SPMAP2: variants seen among roughly 807,000 people sequenced by gnomAD.
SPMAP2 encodes the protein Theg homolog.
the SPMAP2 span, among the ~76,000 whole-genome samples, chr19:365,657 T>A: frequency 6.0e-5 from 7 of 116,278 alleles, no homozygotes; most frequent in Admixed American, 2.8e-4. Context: ...CACTCGCTCT[T>A]ACCCCCACCA....
At chr19:362,218 T>C in the SPMAP2 span, 1 of 1,553,390 alleles carries the variant, frequency 6.4e-7, no homozygotes, top group African/African-American at 1.4e-5. Flanking sequence ...CAGGCCTGGG[T>C]TGATCACACT....
At chr19:367,094 G>C in the SPMAP2 span, 50 of 1,612,948 alleles carry the variant, frequency 3.1e-5, no homozygotes, top group Non-Finnish European at 5.9e-6. Context: ...GTTATGGTCT[G>C]ACACATGTGG....
the SPMAP2 span, among the ~76,000 whole-genome samples, chr19:364,248 A>T: frequency 6.6e-6 from 1 of 150,408 alleles, no homozygotes; most frequent in East Asian, 2.0e-4. Context: ...GAGGCAGGAG[A>T]ACGGCGTGAA....
chr19:364,336 C>CAA, the SPMAP2 span, among the ~76,000 whole-genome samples: 72 of 74,048 alleles, frequency 9.7e-4, no homozygotes, highest in African/African-American at 1.4e-3. Context: ...AGCTCTGTCT[C>CAA]AAAAAAAAAA....
At chr19:368,272 C>T in the SPMAP2 span, among the ~76,000 whole-genome samples, 16 of 152,298 alleles carry the variant, frequency 1.1e-4, no homozygotes, top group Middle Eastern at 3.4e-3. This position sits in a 1 kb window ranked among gnomAD's most constrained non-coding sequence, Gnocchi z 4.1. Context: ...GAGTACTGCG[C>T]GGCGCTCAGA....
At chr19:372,740 C>T in the SPMAP2 span, 1 of 1,597,614 alleles carries the variant, frequency 6.3e-7, no homozygotes, top group Non-Finnish European at 8.6e-7. Flanking sequence ...ACCCCAGTGT[C>T]AACACCCTGC....
the SPMAP2 span, chr19:362,256 A>C: frequency 6.3e-7 from 1 of 1,581,220 alleles, no homozygotes; most frequent in Non-Finnish European, 8.6e-7. Context: ...GGGGGTGGCA[A>C]GCTCATAGAG....
At chr19:365,190 C>T in the SPMAP2 span, among the ~76,000 whole-genome samples, 2 of 152,238 alleles carry the variant, frequency 1.3e-5, no homozygotes, top group Non-Finnish European at 2.9e-5. Context: ...CATCCATATA[C>T]TGGTACAGGT....
the SPMAP2 span, chr19:374,579 G>A: frequency 9.4e-7 from 1 of 1,065,146 alleles, no homozygotes; most frequent in Non-Finnish European, 1.3e-6. Flanking sequence ...GGAGGACTTT[G>A]GCACCACGAA....
chr19:375,679 C>G, the SPMAP2 span: 12 of 1,585,742 alleles, frequency 7.6e-6, no homozygotes, highest in African/African-American at 1.3e-5. Context: ...TCAGGAATGT[C>G]CTCTTCCAAG....
chr19:371,394 G>A, the SPMAP2 span: 4 of 616,432 alleles, frequency 6.5e-6, no homozygotes, highest in Non-Finnish European at 7.7e-6. Context: ...GTGTGTGTGT[G>A]TGTGTGTGTG....
At chr19:368,812 A>G in the SPMAP2 span, among the ~76,000 whole-genome samples, 30,523 of 152,118 alleles carry the variant, frequency 0.2, 3,863 homozygotes, top group African/African-American at 0.37. This position sits in a 1 kb window ranked among gnomAD's most constrained non-coding sequence, Gnocchi z 4.1. Flanking sequence ...GGCTCCCTCC[A>G]GCCTCCTCTC....
the SPMAP2 span, chr19:374,507 G>A: frequency 1.9e-6 from 3 of 1,570,772 alleles, no homozygotes; most frequent in Non-Finnish European, 2.6e-6. Context: ...TCTTGCTCAA[G>A]CGCCTTTTGT....
chr19:373,334 C>T, the SPMAP2 span: 10 of 795,988 alleles, frequency 1.3e-5, no homozygotes, highest in Admixed American at 1.1e-4. Flanking sequence ...CCTCAGGGGA[C>T]AGACTCCAGT....
chr19:362,791 A>G, the SPMAP2 span, among the ~76,000 whole-genome samples: 4 of 141,958 alleles, frequency 2.8e-5, no homozygotes, highest in African/African-American at 1.1e-4. Context: ...AAAAAAAAAA[A>G]GCTCCCCCAT....
the SPMAP2 span, among the ~76,000 whole-genome samples, chr19:370,489 C>T: frequency 6.7e-6 from 1 of 148,588 alleles, no homozygotes; most frequent in African/African-American, 2.5e-5. Flanking sequence ...CTACAGGCGC[C>T]CGCCACCACC....
the SPMAP2 span, among the ~76,000 whole-genome samples, chr19:368,796 C>A: frequency 6.6e-6 from 1 of 152,204 alleles, no homozygotes; most frequent in Non-Finnish European, 1.5e-5. This position sits in a 1 kb window ranked among gnomAD's most constrained non-coding sequence, Gnocchi z 4.1. Context: ...CGTCTTCTCC[C>A]TCCCTGGCTC....
chr19:364,172 A>C, the SPMAP2 span, among the ~76,000 whole-genome samples: 1 of 149,884 alleles, frequency 6.7e-6, no homozygotes, highest in Non-Finnish European at 1.5e-5. Flanking sequence ...TCTCTACTAA[A>C]AATACAAAAA....
chr19:375,882 CG>C, the SPMAP2 span: 3 of 1,562,992 alleles, frequency 1.9e-6, no homozygotes, highest in Non-Finnish European at 8.7e-7. Context: ...CTGGAGGCCA[CG>C]GGGGTCGCCG....
Sources: allele counts gnomAD v4.1 joint callset (sites outside exome capture counted in the v4.1 genomes callset), GRCh38; gene constraint gnomAD v4.1.1; non-coding constraint Gnocchi (gnomAD v3.1); transcripts MANE v1.5; gene names NCBI Gene and HGNC (gene_info 2026-07-23, HGNC 2026-07-21).